KIAA0753: variants seen among roughly 807,000 people sequenced by gnomAD.
The protein encoded by KIAA0753 is protein moonraker.
A neutral mutation model predicts 116.9 loss-of-function variants in KIAA0753; 114 were observed. The ratio of observed to expected loss-of-function variants is 0.98; its 90% confidence interval spans 0.84 to 1.14. The LOEUF (loss-of-function observed/expected upper bound fraction) is 1.14, where lower values mean the gene tolerates loss of function less well. Ranked by LOEUF, KIAA0753 falls within the 50% of genes most tolerant of loss-of-function variation. The pLI is 0.00. For synonymous variants in KIAA0753, 405 were observed against 413.1 expected (o/e 0.98, Z 0.24); for missense variants, 1,156 against 1,172.4 (o/e 0.99, Z 0.20).
Position 6,628,429 on chromosome 17 carries a change from T to C in KIAA0753, c.406A>G (p.Lys136Glu). Residue 136 changes from lysine to glutamate, a missense_variant, in exon 3 of 19, where the codon AAG (lysine) becomes GAG (glutamate). By Grantham distance (56) the Lys-to-Glu change is moderately conservative. Transcript: ENST00000361413. ...PQSSQKCGHT[K>E]YKIPDHRVER... ...ACCCTGTGGTCGGGTATTTTATACT[T>C]AGTATGTCCACACTTCTGAGAGCTT... is the stretch of plus-strand genomic sequence containing the variant. The C allele has an allele frequency of 6.2e-7, 1 of 1,614,230 alleles. No individual in the cohort carries two copies. Among genetic ancestry groups the C allele is most frequent in the Non-Finnish European group, 8.5e-7 (1 of 1,180,022 alleles).
chr17:6,584,013 G>C (rs1404520392), intron 18 of KIAA0753, among the ~76,000 whole-genome samples: 1 of 152,196 alleles, frequency 6.6e-6, no homozygotes, highest in East Asian at 1.9e-4. Flanking sequence ...AATCCAATCT[G>C]AGATAATTTG....
At chr17:6,620,326 G>T (rs1971215358) in intron 7 of KIAA0753, among the ~76,000 whole-genome samples, 1 of 151,816 alleles carries the variant, frequency 6.6e-6, no homozygotes, top group South Asian at 2.1e-4. Flanking sequence ...CTTTTAAGGG[G>T]CAAGTTGGCA....
intron 18 of KIAA0753, among the ~76,000 whole-genome samples, chr17:6,581,171 C>T (rs909780783): frequency 3.3e-5 from 5 of 152,082 alleles, no homozygotes; most frequent in African/African-American, 1.2e-4. Flanking sequence ...GATTCCATGT[C>T]GCATTTTGTT....
intron 7 of KIAA0753, 83 bp downstream of exon 7, chr17:6,620,705 T>C (rs1971256869): frequency 3.6e-6 from 5 of 1,376,588 alleles, no homozygotes; most frequent in East Asian, 2.3e-5. Context: ...AAATCCTGAC[T>C]TTCCCCTCAG....
intron 2 of KIAA0753, among the ~76,000 whole-genome samples, chr17:6,631,239 GA>G (rs1972006975): frequency 6.6e-6 from 1 of 152,106 alleles, no homozygotes; most frequent in African/African-American, 2.4e-5. Context: ...AAGTGAAGAT[GA>G]AAAAAATTAA....
At chr17:6,589,682 A>G in intron 18 of KIAA0753, 97 bp downstream of exon 18, 2 of 844,648 alleles carry the variant, frequency 2.4e-6, no homozygotes, top group Non-Finnish European at 3.6e-6. Context: ...CCAAAAGCAT[A>G]TGGGATAAGA....
Position 6,579,792 on chromosome 17 carries a change from A to G in KIAA0753, c.2859T>C (p.Tyr953=), listed in dbSNP as rs1215921968. ...AAELQDMCED[Y]AEAVFTSEFL... Reference sequence around the variant, plus strand: ...ATTCTGAGGTGAACACAGCTTCTGCATAATCTTCGCACATATCCTGAAGTT... The same window carrying G: ...ATTCTGAGGTGAACACAGCTTCTGCGTAATCTTCGCACATATCCTGAAGTT... The change falls in exon 19 of 19, where the codon TAT becomes TAC. Residue 953 remains tyrosine (Y), a synonymous_variant. Coordinates refer to ENST00000361413, the MANE Select transcript of KIAA0753 (RefSeq NM_014804.3). 3.1e-6 allele frequency: 5 copies of G among 1,613,986 alleles called. No homozygotes were observed. The South Asian group carries it at 5.5e-5, about 18-fold the overall frequency.
rs1337266033 is a variant in KIAA0753 at position 6,589,899 on chromosome 17, A to C, written c.2666T>G (p.Leu889Arg). ...GTGCTGCATACCCGGTGGGACAAAG[A>C]GGGGAGCTCGGCCTTCTTTCTGTTG... is the stretch of plus-strand genomic sequence containing the variant. ...DSQQKEGRAPLFVPPGMQHSI... is the reference protein window; with the variant it reads ...DSQQKEGRAPRFVPPGMQHSI... Residue 889 changes from leucine to arginine, a missense_variant, in exon 18 of 19, where the codon CTC becomes CGC. Physicochemically the swap from Leu to Arg is moderately radical, Grantham distance 102 (BLOSUM62 -2). Coordinates refer to ENST00000361413, the MANE Select transcript of KIAA0753 (RefSeq NM_014804.3). 1.2e-6 allele frequency: 2 copies of C among 1,613,830 alleles called. No individual in the cohort carries two copies. The highest frequency in any genetic ancestry group is 1.7e-6 in the Non-Finnish European group (2 of 1,179,886).
intron 2 of KIAA0753, among the ~76,000 whole-genome samples, chr17:6,630,366 T>C (rs899295939): frequency 1.3e-5 from 2 of 152,112 alleles, no homozygotes; most frequent in African/African-American, 2.4e-5. Context: ...GGCGCCCTCA[T>C]AGAAGAGGTG....
chr17:6,598,081 C>A (rs1819092765), intron 14 of KIAA0753, among the ~76,000 whole-genome samples: 1 of 152,192 alleles, frequency 6.6e-6, no homozygotes, highest in African/African-American at 2.4e-5. Flanking sequence ...CAAAATAATT[C>A]TAATATACAA....
Position 6,628,255 on chromosome 17 carries a change from G to GGGT in KIAA0753, c.577_579dup (p.Thr193dup). ...GGATGAGGCTGAAGTCCCGGATCAT[G>GGGT]GGTGGGTGGCGAATTTGGCACAGTA... On this transcript the variant is annotated inframe_insertion, in exon 3 of 19. Coordinates refer to ENST00000361413, the MANE Select transcript of KIAA0753 (RefSeq NM_014804.3). 1 of 1,614,140 alleles carries GGGT rather than the reference G, an allele frequency of 6.2e-7. No individual in the cohort carries two copies. Among genetic ancestry groups the GGGT allele is most frequent in the African/African-American group, 1.3e-5 (1 of 75,014 alleles).
chr17:6,590,572 C>T lies in KIAA0753; in HGVS notation c.2499G>A (p.Thr833=), dbSNP rs765855317. 35 of 1,613,986 alleles carry T rather than the reference C, an allele frequency of 2.2e-5. No homozygotes were observed. The East Asian group carries it at 3.3e-4, about 15-fold the overall frequency. ...KPLSPHPIRI[T]KTVDRKDPAV... is the part of the protein sequence containing the mutation. ...CTGGATCCTTGCGATCCACTGTCTT[C>T]GTGATTCTGATTGGATGAGGAGATA... Residue 833 remains threonine (T), a synonymous_variant, in exon 17 of 19, where the codon ACG becomes ACA. Transcript: ENST00000361413.
At chr17:6,593,746 T>C (rs1010040889) in intron 16 of KIAA0753, among the ~76,000 whole-genome samples, 3 of 152,182 alleles carry the variant, frequency 2.0e-5, no homozygotes, top group Non-Finnish European at 4.4e-5. Context: ...TAGCTGGGCG[T>C]GGTGGCACAC....
chr17:6,628,020 T>G, intron 3 of KIAA0753, 97 bp downstream of exon 3: 1 of 1,187,244 alleles, frequency 8.4e-7, no homozygotes, highest in Non-Finnish European at 1.2e-6. Flanking sequence ...AAGGAAAGAA[T>G]GAAATTGCTA....
chr17:6,612,208 G>T, intron 7 of KIAA0753, 60 bp from the exon 8 acceptor site: 1 of 1,270,932 alleles, frequency 7.9e-7, no homozygotes, highest in Non-Finnish European at 1.1e-6. Context: ...AAATTGCTGA[G>T]AATGATTATC....
chr17:6,618,997 G>T (rs1026231936), intron 7 of KIAA0753, among the ~76,000 whole-genome samples: 2 of 152,176 alleles, frequency 1.3e-5, no homozygotes, highest in African/African-American at 4.8e-5. Flanking sequence ...GGAAGGCTAA[G>T]ACAGGTGGAT....
At chr17:6,607,034 T>G (rs1379400323) in intron 11 of KIAA0753, 72 bp from the exon 12 acceptor site, 1 of 1,493,900 alleles carries the variant, frequency 6.7e-7, no homozygotes, top group East Asian at 2.3e-5. Context: ...GCTCCAGTCT[T>G]GGCTCCCCCC....
chr17:6,608,296 A>G (rs1970318326), intron 10 of KIAA0753, 52 bp downstream of exon 10: 3 of 799,976 alleles, frequency 3.8e-6, no homozygotes, highest in Admixed American at 3.0e-5. Context: ...TTCCAAGTCT[A>G]TGTAAAAGGA....
chr17:6,627,050 A>T (rs1971714962), intron 3 of KIAA0753, among the ~76,000 whole-genome samples: 1 of 152,238 alleles, frequency 6.6e-6, no homozygotes, highest in African/African-American at 2.4e-5. Flanking sequence ...ATGATATTAT[A>T]CAACACACTC....
Sources: allele counts gnomAD v4.1 joint callset (sites outside exome capture counted in the v4.1 genomes callset), GRCh38; gene constraint gnomAD v4.1.1; transcripts MANE v1.5; gene names NCBI Gene and HGNC (gene_info 2026-07-23, HGNC 2026-07-21).